The following RABGAP1L variants were observed in gnomAD, a reference collection of about 807,000 sequenced individuals.
RABGAP1L encodes the protein RAB GTPase activating protein 1 like.
A neutral mutation model predicts 137.7 loss-of-function variants in RABGAP1L; 63 were observed. The observed-to-expected ratio is 0.46, with a 90% CI of 0.37 to 0.56. The LOEUF (loss-of-function observed/expected upper bound fraction) is 0.56, where lower values mean the gene tolerates loss of function less well. RABGAP1L is among the 20% of genes least tolerant of loss of function. The pLI is 0.00. For missense variants in RABGAP1L, 1,095 were observed against 1,244.0 expected, an observed-to-expected ratio of 0.88 and a Z score of 1.80; for synonymous variants, 431 against 433.7, an observed-to-expected ratio of 0.99 and a Z score of 0.08.
intron 13 of RABGAP1L, among the ~76,000 whole-genome samples, chr1:174,551,966 A>G (rs1666575520): frequency 6.6e-6 from 1 of 152,176 alleles, no homozygotes; most frequent in South Asian, 2.1e-4. Context: ...ACAGACTACC[A>G]AAATTCAACC....
At chr1:174,239,133 C>T (rs544465099) in intron 4 of RABGAP1L, among the ~76,000 whole-genome samples, 21 of 152,290 alleles carry the variant, frequency 1.4e-4, no homozygotes, top group African/African-American at 5.1e-4. Flanking sequence ...GGCTCGCGCA[C>T]CGTGCGCGCA....
At chr1:174,933,744 T>C (rs1294047575) in intron 19 of RABGAP1L, among the ~76,000 whole-genome samples, 1 of 152,190 alleles carries the variant, frequency 6.6e-6, no homozygotes, top group African/African-American at 2.4e-5. Flanking sequence ...AGATAGAGTC[T>C]CAACTTAGTA....
At chr1:174,333,901 A>G (rs1681253860) in intron 11 of RABGAP1L, among the ~76,000 whole-genome samples, 1 of 152,204 alleles carries the variant, frequency 6.6e-6, no homozygotes, top group Non-Finnish European at 1.5e-5. Context: ...GCATGAGATT[A>G]TAATCCTGGT....
intron 13 of RABGAP1L, among the ~76,000 whole-genome samples, chr1:174,430,348 A>T (rs1366234961): frequency 6.7e-6 from 1 of 148,784 alleles, no homozygotes; most frequent in Admixed American, 6.7e-5. Flanking sequence ...ACAGAGCCAG[A>T]CTCTGTCTGA....
At chr1:174,275,269 T>C (rs1045100682) in intron 8 of RABGAP1L, 1 of 152,130 alleles carries the variant, frequency 6.6e-6, no homozygotes, top group African/African-American at 2.4e-5. Context: ...TAATACTAAT[T>C]TATGATTGTA....
chr1:174,668,858 T>G (rs1405969986), intron 14 of RABGAP1L, among the ~76,000 whole-genome samples: 1 of 152,162 alleles, frequency 6.6e-6, no homozygotes, highest in African/African-American at 2.4e-5. Flanking sequence ...CCAGGACAAT[T>G]AGTGACACAT....
At chr1:174,793,672 A>T (rs1335008966) in intron 18 of RABGAP1L, among the ~76,000 whole-genome samples, 1 of 152,068 alleles carries the variant, frequency 6.6e-6, no homozygotes, top group Non-Finnish European at 1.5e-5. Flanking sequence ...ATCCAGAAGC[A>T]TATAGTACAG....
At chr1:174,415,237 T>G (rs1650412587) in intron 13 of RABGAP1L, among the ~76,000 whole-genome samples, 1 of 152,100 alleles carries the variant, frequency 6.6e-6, no homozygotes, top group South Asian at 2.1e-4. Context: ...ATTCAGTTCC[T>G]TTTTCCCTGT....
At chr1:174,308,219 T>C (rs771614144) in intron 11 of RABGAP1L, among the ~76,000 whole-genome samples, 1 of 152,042 alleles carries the variant, frequency 6.6e-6, no homozygotes, top group Non-Finnish European at 1.5e-5. Context: ...TATGTATGTG[T>C]ATATGTATAC....
At chr1:174,550,086 A>G (rs962354998) in intron 13 of RABGAP1L, among the ~76,000 whole-genome samples, 1 of 152,178 alleles carries the variant, frequency 6.6e-6, no homozygotes, top group African/African-American at 2.4e-5. Flanking sequence ...AAAATTTCAC[A>G]TTTAGAATTA....
chr1:174,589,359 G>C (rs1370412630), intron 13 of RABGAP1L, among the ~76,000 whole-genome samples: 2 of 152,040 alleles, frequency 1.3e-5, no homozygotes, highest in African/African-American at 4.8e-5. Context: ...TTCATCATTT[G>C]TCAGATGAAG....
intron 21 of RABGAP1L, among the ~76,000 whole-genome samples, chr1:174,974,191 C>T (rs772211942): frequency 5.9e-5 from 9 of 151,770 alleles, no homozygotes; most frequent in Non-Finnish European, 8.8e-5. Context: ...AGGGTTTCAC[C>T]GTGTTAGCCA....
intron 10 of RABGAP1L, among the ~76,000 whole-genome samples, chr1:174,293,547 C>G (rs1018185451): frequency 2.0e-5 from 3 of 152,116 alleles, no homozygotes; most frequent in Non-Finnish European, 4.4e-5. Flanking sequence ...ATAACTTTTA[C>G]TAGTTGTATT....
intron 1 of RABGAP1L, among the ~76,000 whole-genome samples, chr1:174,185,815 A>G (rs776884685): frequency 3.9e-5 from 6 of 152,196 alleles, no homozygotes; most frequent in Non-Finnish European, 8.8e-5. Context: ...AATTTTGCAG[A>G]TGGATCACTG....
intron 14 of RABGAP1L, among the ~76,000 whole-genome samples, chr1:174,659,000 A>C (rs1470579148): frequency 6.6e-6 from 1 of 152,196 alleles, no homozygotes; most frequent in Non-Finnish European, 1.5e-5. Flanking sequence ...AGAATCCATA[A>C]GAATTTTAGC....
chr1:174,296,917 A>G (rs931890617), intron 10 of RABGAP1L, among the ~76,000 whole-genome samples: 8 of 152,238 alleles, frequency 5.3e-5, no homozygotes, highest in Non-Finnish European at 7.3e-5. Context: ...TGATTATAAT[A>G]CAAATAAAAA....
chr1:174,720,464 C>A (rs1681432073), intron 17 of RABGAP1L, among the ~76,000 whole-genome samples: 1 of 151,988 alleles, frequency 6.6e-6, no homozygotes, highest in Admixed American at 6.5e-5. Flanking sequence ...CAGGTGCATG[C>A]CACTATGGGC....
intron 19 of RABGAP1L, among the ~76,000 whole-genome samples, chr1:174,826,547 C>G (rs537775498): frequency 6.6e-6 from 1 of 152,110 alleles, no homozygotes; most frequent in African/African-American, 2.4e-5. Context: ...TCCAGTCCAC[C>G]GTTGATAGGC....
chr1:174,684,169 A>C (rs1678292450), intron 15 of RABGAP1L, among the ~76,000 whole-genome samples: 1 of 152,216 alleles, frequency 6.6e-6, no homozygotes, highest in South Asian at 2.1e-4. Context: ...TGATGACAAA[A>C]ATAATACATA....
Sources: allele counts gnomAD v4.1 joint callset (sites outside exome capture counted in the v4.1 genomes callset), GRCh38; gene constraint gnomAD v4.1.1; transcripts MANE v1.5; gene names NCBI Gene and HGNC (gene_info 2026-07-23, HGNC 2026-07-21).